Variants in NELL1 observed in about 807,000 individuals in gnomAD.
NELL1 encodes protein kinase C-binding protein NELL1.
Under a neutral mutation model 107.4 loss-of-function variants are expected in NELL1, and 76 were observed. The ratio of observed to expected loss-of-function variants is 0.71; its 90% CI spans 0.59 to 0.86. The LOEUF (loss-of-function observed/expected upper bound fraction) is 0.86. Among genes scored for constraint, NELL1 ranks in the 40% least tolerant of loss-of-function variants. The probability of loss-of-function intolerance (pLI) is 0.00; values close to 1 mark genes in which losing one functional copy is unlikely to be tolerated. For missense variants in NELL1, 1,024 were observed against 1,005.5 expected (o/e 1.02, Z -0.25); for synonymous variants, 353 against 341.2 (o/e 1.03, Z -0.38).
intron 15 of NELL1, among the ~76,000 whole-genome samples, chr11:21,399,125 G>C (rs1242594533): frequency 6.6e-6 from 1 of 151,742 alleles, no homozygotes; most frequent in Non-Finnish European, 1.5e-5. Flanking sequence ...AGCTGCAAAG[G>C]GCCAAGGAAA....
intron 13 of NELL1, among the ~76,000 whole-genome samples, chr11:21,133,771 A>G (rs1388592088): frequency 1.3e-5 from 2 of 152,188 alleles, no homozygotes; most frequent in African/African-American, 2.4e-5. Flanking sequence ...GAGAGCAAGC[A>G]CTTCCAAGCC....
chr11:20,968,854 G>A (rs560168729), intron 12 of NELL1, among the ~76,000 whole-genome samples: 2 of 152,148 alleles, frequency 1.3e-5, no homozygotes, highest in South Asian at 2.1e-4. Context: ...CCAGTGGGAG[G>A]TTTTTATGGG....
intron 15 of NELL1, among the ~76,000 whole-genome samples, chr11:21,504,956 T>A (rs757646220): frequency 2.6e-5 from 4 of 152,172 alleles, no homozygotes; most frequent in Non-Finnish European, 4.4e-5. Flanking sequence ...TTAAAGCTCA[T>A]TGCAACACAT....
At chr11:21,556,017 A>G (rs1361826482) in intron 16 of NELL1, among the ~76,000 whole-genome samples, 1 of 151,964 alleles carries the variant, frequency 6.6e-6, no homozygotes, top group Non-Finnish European at 1.5e-5. Context: ...AAGTTACATC[A>G]GACTTCAGAT....
At chr11:20,957,662 TTAAA>T (rs1851204432) in intron 11 of NELL1, among the ~76,000 whole-genome samples, 1 of 151,842 alleles carries the variant, frequency 6.6e-6, no homozygotes, top group African/African-American at 2.4e-5. Context: ...AAAAGGAAAT[TTAAA>T]AAAATGAAAG....
At chr11:21,025,717 A>G (rs142374161) in intron 12 of NELL1, among the ~76,000 whole-genome samples, 10 of 152,168 alleles carry the variant, frequency 6.6e-5, no homozygotes, top group Admixed American at 6.5e-4. Context: ...AGTGATGCCC[A>G]TGTTTACATC....
chr11:21,557,127 G>T (rs1265355270), intron 16 of NELL1, among the ~76,000 whole-genome samples: 1 of 151,806 alleles, frequency 6.6e-6, no homozygotes, highest in Non-Finnish European at 1.5e-5. Flanking sequence ...GAATAATGTT[G>T]GTTTCCATAA....
intron 12 of NELL1, among the ~76,000 whole-genome samples, chr11:21,077,919 G>A (rs976719312): frequency 1.3e-5 from 2 of 152,028 alleles, no homozygotes; most frequent in Non-Finnish European, 2.9e-5. Flanking sequence ...AACCACAGCA[G>A]TGTTTCTCAA....
At chr11:20,965,473 G>A (rs1851370062) in intron 12 of NELL1, among the ~76,000 whole-genome samples, 1 of 152,158 alleles carries the variant, frequency 6.6e-6, no homozygotes. Context: ...GGTAGCAGGG[G>A]AGAATACATT....
At chr11:21,508,171 A>G (rs897864991) in intron 15 of NELL1, among the ~76,000 whole-genome samples, 4 of 152,186 alleles carry the variant, frequency 2.6e-5, no homozygotes, top group Non-Finnish European at 5.9e-5. Context: ...ACAAATTATC[A>G]TTATTAGTAG....
At chr11:21,495,532 G>T (rs966743987) in intron 15 of NELL1, among the ~76,000 whole-genome samples, 48 of 152,218 alleles carry the variant, frequency 3.2e-4, no homozygotes, top group African/African-American at 1.1e-3. Context: ...TTAGGAGTGG[G>T]ATTGATGGAT....
At chr11:21,529,245 A>C in intron 15 of NELL1, among the ~76,000 whole-genome samples, 1 of 152,120 alleles carries the variant, frequency 6.6e-6, no homozygotes, top group East Asian at 1.9e-4. Context: ...AGGTAGAAAT[A>C]TTCTGGAGGA....
At chr11:21,292,925 A>C (rs6483760) in intron 14 of NELL1, among the ~76,000 whole-genome samples, 122,927 of 151,946 alleles carry the variant, frequency 0.81, 51,391 homozygotes, top group Non-Finnish European at 0.92. Flanking sequence ...TTATACAAAA[A>C]TTAAGATGGA....
chr11:20,906,247 C>T (rs1849994925), intron 5 of NELL1, among the ~76,000 whole-genome samples: 1 of 151,988 alleles, frequency 6.6e-6, no homozygotes, highest in African/African-American at 2.4e-5. Context: ...TGGACAAATT[C>T]CTAGAAACAC....
chr11:20,699,464 G>A (rs1290285142), intron 2 of NELL1, among the ~76,000 whole-genome samples: 2 of 151,916 alleles, frequency 1.3e-5, no homozygotes, highest in East Asian at 2.0e-4. Context: ...GGGTTCAAAC[G>A]ACTCCTCTGC....
At chr11:21,371,529 A>G (rs1349122392) in intron 15 of NELL1, among the ~76,000 whole-genome samples, 2 of 152,116 alleles carry the variant, frequency 1.3e-5, no homozygotes, top group Admixed American at 6.6e-5. Flanking sequence ...TACATTTGGC[A>G]CTGTTTGGTG....
At chr11:21,478,815 A>C (rs1854414801) in intron 15 of NELL1, among the ~76,000 whole-genome samples, 1 of 147,026 alleles carries the variant, frequency 6.8e-6, no homozygotes. Context: ...TAAATAGAAT[A>C]TATAGGAGCT....
At chr11:21,405,124 G>C (rs180693620) in intron 15 of NELL1, among the ~76,000 whole-genome samples, 7 of 152,082 alleles carry the variant, frequency 4.6e-5, no homozygotes, top group South Asian at 2.1e-4. Context: ...TCCGATGGCT[G>C]GGTGGTTCCA....
At chr11:21,568,707 T>C (rs1857028482) in intron 17 of NELL1, among the ~76,000 whole-genome samples, 1 of 151,732 alleles carries the variant, frequency 6.6e-6, no homozygotes, top group Non-Finnish European at 1.5e-5. Flanking sequence ...GGGTCAGGAT[T>C]ATCAATATCA....
Sources: gnomAD v4.1 joint callset for allele counts (sites outside exome capture counted in the v4.1 genomes callset) on GRCh38, gnomAD v4.1.1 for gene constraint, MANE v1.5 for transcripts, NCBI Gene and HGNC (gene_info 2026-07-23, HGNC 2026-07-21) for gene names.